PSIP1: variants seen among roughly 807,000 people sequenced by gnomAD.
PSIP1 encodes the protein PC4 and SRSF1 interacting protein 1.
Under a neutral mutation model 74.7 loss-of-function variants are expected in PSIP1, and 19 were observed. The ratio of observed to expected loss-of-function variants is 0.25; its 90% CI spans 0.18 to 0.37. The LOEUF is 0.37. Among genes scored for constraint, PSIP1 ranks in the 10% least tolerant of loss-of-function variants. The pLI is 1.00. For synonymous variants in PSIP1, 222 were observed against 195.3 expected (o/e 1.14, Z -1.14); for missense variants, 601 against 614.3 (o/e 0.98, Z 0.23).
At chr9:15,470,818 TAAC>T (rs2035791850) in intron 10 of PSIP1, 1 of 1,034,136 alleles carries the variant, frequency 9.7e-7, no homozygotes, top group Admixed American at 5.5e-5. Context: ...TCCAGTTTAA[TAAC>T]TAGCTTCAAA....
chr9:15,509,652 A>G (rs1208289866), intron 2 of PSIP1, among the ~76,000 whole-genome samples: 1 of 152,220 alleles, frequency 6.6e-6, no homozygotes, highest in Non-Finnish European at 1.5e-5. Context: ...CATCAAGTAC[A>G]AGGTATTTTT....
rs980175856 is a variant in PSIP1, at chr9:15,470,989, G to A, written c.978-996C>T. The stretch of plus-strand genomic sequence containing the variant: ...ATGATGGCCGACCTTAGTATGTAGT[G>A]TGTACCTTACAGGAAATTTGTTAAT... On this transcript the variant is annotated intron_variant, in intron 10 of 15. Transcript: ENST00000380733. The A allele has an allele frequency of 5.3e-6, 7 of 1,317,984 alleles. No individual in the cohort carries two copies. The African/African-American group carries it at 9.1e-5, about 17-fold the overall frequency. 81.6% of individuals were successfully genotyped at this position (1,317,984 alleles called of 1,614,324 possible).
chr9:15,471,070 C>T (rs756136300), intron 10 of PSIP1: 6 of 1,481,940 alleles, frequency 4.0e-6, no homozygotes, highest in Non-Finnish European at 5.4e-6. Context: ...CTGGAACATT[C>T]TTCCATCAAT....
chr9:15,500,231 C>T (rs1190247303), intron 3 of PSIP1, among the ~76,000 whole-genome samples: 5 of 152,048 alleles, frequency 3.3e-5, no homozygotes, highest in African/African-American at 4.8e-5. Context: ...CTGTGGAGGC[C>T]GAGGCAGGAG....
At chr9:15,510,047 GAC>G in intron 2 of PSIP1, 68 bp downstream of exon 2, 2 of 1,426,382 alleles carry the variant, frequency 1.4e-6, no homozygotes, top group South Asian at 2.5e-5. Flanking sequence ...AAAATAAAGA[GAC>G]ACGGTGGGCA....
rs140973223 is a variant in PSIP1 at position 15,495,819 on chromosome 9, C to T, written c.150-5695G>A. ...TACCTTTTTCATTTATGTTGATAAG[C>T]TTGCCTTCACTAAGTTTCTCTGGCT... On this transcript the variant is annotated intron_variant, in intron 3 of 15. Coordinates refer to ENST00000380733, the MANE Select transcript of PSIP1 (RefSeq NM_033222.5). Among the ~76,000 whole-genome samples the T allele has an allele frequency of 8.8e-3, 1,340 of 152,264 alleles. 10 individuals carry two copies. Among genetic ancestry groups the T allele is most frequent in the Non-Finnish European group, 0.014 (976 of 67,998 alleles).
intron 3 of PSIP1, 133 bp from the exon 4 acceptor site, chr9:15,490,257 G>A: frequency 9.1e-6 from 7 of 771,982 alleles, no homozygotes; most frequent in South Asian, 5.2e-5. Context: ...TAAGTTAAAG[G>A]GCAATTAATA....
chr9:15,480,148 A>G lies in PSIP1; in HGVS notation c.457-461T>C, dbSNP rs184976415. 5.3e-5 allele frequency among the ~76,000 whole-genome samples: 8 copies of G among 152,352 alleles called. No individual in the cohort carries two copies. The East Asian group carries it at 1.5e-3, about 29-fold the overall frequency. ...ATCCACTGACCATTTGCAAACTCTAATGCCCTTTGATAACTGCTAGTATGA... is the reference window on the plus strand; with the variant it reads ...ATCCACTGACCATTTGCAAACTCTAGTGCCCTTTGATAACTGCTAGTATGA... On this transcript the variant is annotated intron_variant, in intron 6 of 15. Coordinates refer to ENST00000380733, the MANE Select transcript of PSIP1 (RefSeq NM_033222.5).
chr9:15,497,547 G>A (rs1183521699), intron 3 of PSIP1, among the ~76,000 whole-genome samples: 3 of 151,848 alleles, frequency 2.0e-5, no homozygotes, highest in African/African-American at 4.8e-5. Flanking sequence ...GGCTGGTCTC[G>A]AACTCCTGAC....
At chr9:15,485,629 G>C (rs555666913) in intron 6 of PSIP1, among the ~76,000 whole-genome samples, 1 of 152,148 alleles carries the variant, frequency 6.6e-6, no homozygotes, top group African/African-American at 2.4e-5. Flanking sequence ...CAACATAATG[G>C]ACAACACTTA....
chr9:15,508,982 G>A (rs1167548113), intron 2 of PSIP1, among the ~76,000 whole-genome samples: 2 of 152,174 alleles, frequency 1.3e-5, no homozygotes, highest in African/African-American at 4.8e-5. Context: ...GCTTTGGAAG[G>A]AAACTTGTGA....
rs112634474 is a variant in PSIP1 at position 15,491,588 on chromosome 9, G to A, written c.150-1464C>T. 8.5e-5 allele frequency among the ~76,000 whole-genome samples: 13 copies of A among 152,278 alleles called. 2 individuals carry two copies. The highest frequency in any genetic ancestry group is 2.6e-4 in the African/African-American group (11 of 41,550). On this transcript the variant is annotated intron_variant, in intron 3 of 15. Transcript: ENST00000380733. ...TACACAGATAGTTCTTAATTTACTA[G>A]GAGGTTATGTCCCAATAAGTCCACT...
In PSIP1 at chr9:15,474,116, T is replaced by C. The variant is rs1322961362; in HGVS notation, c.751A>G (p.Lys251Glu). 6.2e-7 allele frequency: 1 copy of C among 1,613,704 alleles called. No homozygotes were observed. Among genetic ancestry groups the C allele is most frequent in the Non-Finnish European group, 8.5e-7 (1 of 1,179,916 alleles). Residue 251 changes from lysine (K) to glutamate (E), a missense_variant, in exon 9 of 16, where the codon AAA (lysine) becomes GAA (glutamate). Physicochemically the swap from Lys to Glu is moderately conservative, Grantham distance 56. This residue lies in a region of PSIP1 where 538 missense variants were observed against 507.6 expected (regional missense o/e 1.06). Coordinates refer to ENST00000380733, the MANE Select transcript of PSIP1 (RefSeq NM_033222.5). ...GATTCAACTTCTTTCTTCCCCTCTT[T>C]TTTATCCGGCTCTTTTCTTGGCTTA... ...EDKPRKEPDK[K>E]EGKKEVESKR...
At chr9:15,475,016 G>C (rs2036013911) in intron 8 of PSIP1, among the ~76,000 whole-genome samples, 1 of 151,990 alleles carries the variant, frequency 6.6e-6, no homozygotes, top group Admixed American at 6.6e-5. Context: ...CCTTCCATTT[G>C]ACAAATGAGA....
In PSIP1 at chr9:15,506,546, G is replaced by A. The variant is rs751102488; in HGVS notation, c.149+15C>T. The A allele has an allele frequency of 1.3e-6, 2 of 1,577,588 alleles. No individual in the cohort carries two copies. Among genetic ancestry groups the A allele is most frequent in the Admixed American group, 1.7e-5 (1 of 59,678 alleles). ...AAATTAGCTCTGATTTGCCTTTAAA[G>A]CTAACAGGACTTACGTCTCATGAGT... is the stretch of plus-strand genomic sequence containing the variant. On this transcript the variant is annotated intron_variant, in intron 3 of 15. Transcript: ENST00000380733.
intron 2 of PSIP1, among the ~76,000 whole-genome samples, chr9:15,509,797 T>A (rs2037769911): frequency 6.6e-6 from 1 of 152,244 alleles, no homozygotes; most frequent in African/African-American, 2.4e-5. Flanking sequence ...TTTCACTAAT[T>A]TTTAAACAAA....
intron 10 of PSIP1, chr9:15,470,774 AG>A (rs1360218892): frequency 3.0e-6 from 3 of 986,946 alleles, no homozygotes; most frequent in Non-Finnish European, 3.7e-6. Context: ...GAATGTCAAG[AG>A]AAGGGCCCCA....
chr9:15,466,675 C>G, intron 15 of PSIP1, 73 bp downstream of exon 15: 1 of 1,187,822 alleles, frequency 8.4e-7, no homozygotes, highest in South Asian at 1.5e-5. Flanking sequence ...AGTAAGATAA[C>G]CTTGGAACAG....
chr9:15,472,790 T>A, intron 9 of PSIP1, 40 bp from the exon 10 acceptor site: 1 of 1,535,284 alleles, frequency 6.5e-7, no homozygotes, highest in African/African-American at 1.4e-5. Flanking sequence ...AACTATAAAG[T>A]CAGTGACTAG....
Sources: gnomAD v4.1 joint callset for allele counts (sites outside exome capture counted in the v4.1 genomes callset) on GRCh38, gnomAD v4.1.1 for gene constraint, gnomAD v4.1.1 regional missense constraint, MANE v1.5 for transcripts, NCBI Gene and HGNC (gene_info 2026-07-23, HGNC 2026-07-21) for gene names.